KDM6A: variants seen among roughly 807,000 people sequenced by gnomAD.
KDM6A encodes the protein lysine demethylase 6A, also known as lysine-specific demethylase 6A.
Under a neutral mutation model 117.6 loss-of-function variants are expected in KDM6A, and 11 were observed. The ratio of observed to expected loss-of-function variants is 0.09; its 90% CI spans 0.06 to 0.15. The LOEUF (loss-of-function observed/expected upper bound fraction) is 0.15. Ranked by LOEUF, KDM6A falls within the 10% of genes least tolerant of loss-of-function variation. The pLI, the probability that KDM6A is intolerant of heterozygous loss-of-function variation, is 1.00. For synonymous variants in KDM6A, 384 were observed against 396.1 expected, an observed-to-expected ratio of 0.97 and a Z score of 0.36; for missense variants, 799 against 1,077.3, an observed-to-expected ratio of 0.74 and a Z score of 3.62.
chrX:44,892,223 T>C (rs752004531), intron 2 of KDM6A, among the ~76,000 whole-genome samples: 1 of 112,501 alleles, frequency 8.9e-6, no homozygotes, highest in African/African-American at 3.2e-5. Flanking sequence ...CCTTTTCATA[T>C]AGATTTTAGA....
Position 45,053,914 on chromosome X carries a change from A to G in KDM6A, c.834A>G (p.Glu278=), listed in dbSNP as rs1217811152. ...YAIQYLQKSL[E]ADPNSGQSWY... ...TTCAGTATCTCCAAAAGTCCTTGGA[A>G]GCAGATCCTAATTCTGGCCAGTCCT... is the stretch of plus-strand genomic sequence containing the variant. Residue 278 remains glutamate, a synonymous_variant, in exon 10 of 30, where the codon GAA becomes GAG. Transcript: ENST00000611820. The G allele has an allele frequency of 2.5e-6, 3 of 1,206,131 alleles. No individual in the cohort carries two copies. The highest frequency in any genetic ancestry group is 2.2e-6 in the Non-Finnish European group (2 of 891,546).
chrX:44,911,549 A>C (rs955738488), intron 2 of KDM6A, among the ~76,000 whole-genome samples: 29 of 100,628 alleles, frequency 2.9e-4, no homozygotes, highest in Admixed American at 5.3e-4. Context: ...CAGACTGGGC[A>C]GCCGGGCAGA....
At chrX:44,933,276 T>G (rs1399473827) in intron 2 of KDM6A, among the ~76,000 whole-genome samples, 1 of 87,542 alleles carries the variant, frequency 1.1e-5, no homozygotes, top group Non-Finnish European at 2.2e-5. Context: ...TTTTTTTTTT[T>G]TTTTTTTTTG....
In KDM6A at chrX:44,902,095, C is replaced by T. The variant is rs188810314; in HGVS notation, c.225+28108C>T. 4.7e-3 allele frequency among the ~76,000 whole-genome samples: 520 copies of T among 110,707 alleles called. 4 individuals are homozygous for T. The South Asian group carries it at 0.054, about 12-fold the overall frequency. ...TACAAAAATTAGTTGGGTATGGTGG[C>T]GCACGCCTGTAGTCCCAGCTACTAC... is the stretch of plus-strand genomic sequence containing the variant. On this transcript the variant is annotated intron_variant, in intron 2 of 29. Transcript: ENST00000611820.
intron 3 of KDM6A, among the ~76,000 whole-genome samples, chrX:44,963,181 G>T (rs2038775616): frequency 9.0e-6 from 1 of 111,079 alleles, no homozygotes. Context: ...ACTCCTTTTG[G>T]CCAGGCACGG....
intron 4 of KDM6A, among the ~76,000 whole-genome samples, chrX:44,989,394 GCTGCACCCACTGTC>G (rs1470189295): frequency 9.3e-6 from 1 of 107,371 alleles, no homozygotes; most frequent in Non-Finnish European, 1.9e-5. Context: ...CGCTCAGTGG[GCTGCACCCACTGTC>G]CTGCACCCAC....
chrX:44,912,496 T>A (rs2035273783), intron 2 of KDM6A, among the ~76,000 whole-genome samples: 2 of 112,297 alleles, frequency 1.8e-5, no homozygotes, highest in African/African-American at 6.5e-5. Flanking sequence ...ACGTATGTTT[T>A]ATAGTTGGAA....
At chrX:45,024,351 C>T (rs189796618) in intron 6 of KDM6A, among the ~76,000 whole-genome samples, 2 of 111,750 alleles carry the variant, frequency 1.8e-5, no homozygotes, top group Non-Finnish European at 1.9e-5. Flanking sequence ...AAGGTGGTAT[C>T]GCATTGTGGA....
intron 2 of KDM6A, among the ~76,000 whole-genome samples, chrX:44,942,494 C>T (rs775053069): frequency 1.7e-4 from 19 of 110,388 alleles, no homozygotes; most frequent in African/African-American, 5.6e-4. Flanking sequence ...AATACCATAC[C>T]GCCTTGATTG....
At chrX:45,095,252 ATCTG>A (rs1441487084) in intron 27 of KDM6A, among the ~76,000 whole-genome samples, 10 of 110,880 alleles carry the variant, frequency 9.0e-5, no homozygotes, top group African/African-American at 3.3e-4. Flanking sequence ...TTAAACCCAT[ATCTG>A]TCTGTGAAAG....
intron 3 of KDM6A, among the ~76,000 whole-genome samples, chrX:44,969,768 T>C (rs1339200507): frequency 8.9e-6 from 1 of 111,910 alleles, no homozygotes; most frequent in East Asian, 2.8e-4. Context: ...CTGGAATATT[T>C]ATAGTATAAG....
chrX:45,017,688 T>C (rs2042022326), intron 5 of KDM6A, among the ~76,000 whole-genome samples: 1 of 112,178 alleles, frequency 8.9e-6, no homozygotes, highest in East Asian at 2.8e-4. Flanking sequence ...ACTGTAAATG[T>C]GATGGCACCA....
At chrX:45,057,443 T>A (rs1446320457) in intron 10 of KDM6A, among the ~76,000 whole-genome samples, 2 of 111,663 alleles carry the variant, frequency 1.8e-5, no homozygotes, top group African/African-American at 6.5e-5. Context: ...TTGTTTCTCT[T>A]ATCTTTTTTT....
chrX:45,052,826 G>A (rs2043914499), intron 9 of KDM6A, among the ~76,000 whole-genome samples: 1 of 111,095 alleles, frequency 9.0e-6, no homozygotes, highest in Non-Finnish European at 1.9e-5. Flanking sequence ...AGTAGCTAGG[G>A]CTGCAGGCGC....
chrX:44,969,728 C>G (rs1298434944), intron 3 of KDM6A, among the ~76,000 whole-genome samples: 2 of 111,194 alleles, frequency 1.8e-5, no homozygotes, highest in Non-Finnish European at 3.8e-5. Context: ...CTCTTTTTGT[C>G]TTTTGTGGGT....
At chrX:44,956,975 C>T (rs1352338819) in intron 2 of KDM6A, among the ~76,000 whole-genome samples, 1 of 109,858 alleles carries the variant, frequency 9.1e-6, no homozygotes, top group Non-Finnish European at 1.9e-5. Context: ...ACTAAAAATA[C>T]AAAAATTAGC....
intron 2 of KDM6A, among the ~76,000 whole-genome samples, chrX:44,906,684 TAGAG>T (rs775337999): frequency 9.1e-6 from 1 of 109,841 alleles, no homozygotes; most frequent in Non-Finnish European, 1.9e-5. Flanking sequence ...TGTGTGTATA[TAGAG>T]AGAGAGAGCG....
chrX:44,932,354 G>A (rs1477719694), intron 2 of KDM6A, among the ~76,000 whole-genome samples: 2 of 109,300 alleles, frequency 1.8e-5, no homozygotes, highest in Admixed American at 9.8e-5. Context: ...CAGGTGGTCC[G>A]CCTGCCTGGG....
intron 4 of KDM6A, among the ~76,000 whole-genome samples, chrX:44,984,989 A>G (rs2040130680): frequency 9.1e-6 from 1 of 110,135 alleles, no homozygotes; most frequent in African/African-American, 3.3e-5. Context: ...TTGAATCTAT[A>G]AATTACCTTG....
Sources: gnomAD v4.1 joint callset for allele counts (sites outside exome capture counted in the v4.1 genomes callset) on GRCh38, gnomAD v4.1.1 for gene constraint, MANE v1.5 for transcripts, NCBI Gene and HGNC (gene_info 2026-07-23, HGNC 2026-07-21) for gene names.